Variants in DUSP16 observed in about 807,000 individuals in gnomAD.
The protein encoded by DUSP16 is dual specificity phosphatase 16.
DUSP16 carries 21 observed loss-of-function variants against 58.3 expected under a neutral mutation model. The observed-to-expected ratio is 0.36, with a 90% CI of 0.26 to 0.52. DUSP16 has a LOEUF of 0.52. DUSP16 is among the 20% of genes least tolerant of loss of function. The pLI, the probability that DUSP16 is intolerant of heterozygous loss-of-function variation, is 0.94. For synonymous variants in DUSP16, 320 were observed against 323.8 expected (o/e 0.99, Z 0.12); for missense variants, 726 against 819.0 (o/e 0.89, Z 1.39).
At chr12:12,500,040 G>C (rs1228331433) in intron 4 of DUSP16, among the ~76,000 whole-genome samples, 2 of 152,002 alleles carry the variant, frequency 1.3e-5, no homozygotes, top group East Asian at 3.9e-4. Flanking sequence ...CATAGTTTCA[G>C]CCTTTGTCCT....
intron 1 of DUSP16, among the ~76,000 whole-genome samples, chr12:12,522,363 C>T (rs1200035985): frequency 6.6e-6 from 1 of 152,194 alleles, no homozygotes; most frequent in Non-Finnish European, 1.5e-5. Flanking sequence ...AAGCTGAACC[C>T]AGTGCTTCCC....
intron 1 of DUSP16, among the ~76,000 whole-genome samples, chr12:12,532,164 CAAA>C (rs59100809): frequency 7.1e-6 from 1 of 140,182 alleles, no homozygotes; most frequent in Non-Finnish European, 1.6e-5. Context: ...GACTCCGTCT[CAAA>C]AAAAAAACAA....
intron 1 of DUSP16, among the ~76,000 whole-genome samples, chr12:12,523,350 G>A (rs1359197425): frequency 6.6e-6 from 1 of 152,150 alleles, no homozygotes; most frequent in Non-Finnish European, 1.5e-5. Context: ...GGCAAACAAA[G>A]CTGGCTTGCA....
At chr12:12,486,954 TG>T in intron 5 of DUSP16, 73 bp downstream of exon 5, 2 of 1,544,954 alleles carry the variant, frequency 1.3e-6, no homozygotes, top group Non-Finnish European at 1.8e-6. Context: ...AAAGAAAAAA[TG>T]GGGGGCTGAG....
intron 3 of DUSP16, among the ~76,000 whole-genome samples, chr12:12,513,077 C>T (rs1390550099): frequency 1.3e-5 from 2 of 152,132 alleles, no homozygotes; most frequent in African/African-American, 4.8e-5. Flanking sequence ...TGTGTAGAGT[C>T]TAATACATTT....
chr12:12,523,682 A>G (rs1944265422), intron 1 of DUSP16, among the ~76,000 whole-genome samples: 1 of 152,256 alleles, frequency 6.6e-6, no homozygotes, highest in African/African-American at 2.4e-5. Flanking sequence ...TCAATCCACT[A>G]ATAAACTTCT....
intron 1 of DUSP16, chr12:12,560,946 T>TCACACACCCACACACACACACA (rs56190302): frequency 3.5e-4 from 52 of 148,248 alleles, no homozygotes; most frequent in African/African-American, 1.2e-3. Context: ...ATGGTAAATT[T>TCACACACCCACACACACACACA]CACACACACA....
At chr12:12,541,464 A>C (rs1201486633) in intron 1 of DUSP16, among the ~76,000 whole-genome samples, 3 of 152,238 alleles carry the variant, frequency 2.0e-5, no homozygotes, top group Admixed American at 2.0e-4. Flanking sequence ...AGGAGGGAAA[A>C]TAAGAAACTC....
At chr12:12,537,801 C>T (rs1442634912) in intron 1 of DUSP16, among the ~76,000 whole-genome samples, 1 of 152,108 alleles carries the variant, frequency 6.6e-6, no homozygotes, top group Non-Finnish European at 1.5e-5. Flanking sequence ...AAGTAGAACA[C>T]GATAATAAAT....
intron 1 of DUSP16, among the ~76,000 whole-genome samples, chr12:12,536,807 G>A (rs1944471195): frequency 6.6e-6 from 1 of 152,096 alleles, no homozygotes. Flanking sequence ...GGAGGCCGAG[G>A]TGGGCGGATC....
At chr12:12,486,886 G>T in intron 5 of DUSP16, 142 bp downstream of exon 5, 1 of 921,670 alleles carries the variant, frequency 1.1e-6, no homozygotes, top group Non-Finnish European at 1.6e-6. Flanking sequence ...AGATGAGTAA[G>T]CTGCACCACG....
chr12:12,521,699 CAA>C (rs1169183125), intron 1 of DUSP16, among the ~76,000 whole-genome samples: 1 of 152,066 alleles, frequency 6.6e-6, no homozygotes, highest in Non-Finnish European at 1.5e-5. Context: ...GAAAACAAAA[CAA>C]GACATATCAT....
At chr12:12,549,070 A>G (rs1592211450) in intron 1 of DUSP16, among the ~76,000 whole-genome samples, 1 of 152,330 alleles carries the variant, frequency 6.6e-6, no homozygotes, top group East Asian at 1.9e-4. Context: ...AAATAAAAAT[A>G]CAATTAGTCT....
At position 12,480,978 on chromosome 12, in the gene DUSP16, C is replaced by CA. The variant is rs531463305; in HGVS notation, c.692-633dup. On this transcript the variant is annotated intron_variant, in intron 5 of 6. Coordinates refer to ENST00000298573, the MANE Select transcript of DUSP16 (RefSeq NM_030640.3). Reference sequence around the variant, plus strand: ...AAGTGATCCGTCCACCTCAGCCTCCCAAAGTGCTGGGATTACAGGAGTGAG... The same window carrying CA: ...AAGTGATCCGTCCACCTCAGCCTCCCAAAAGTGCTGGGATTACAGGAGTGAG... Among the ~76,000 whole-genome samples, 433 of 152,286 alleles carry CA rather than the reference C, an allele frequency of 2.8e-3. 1 individual carries two copies. The highest frequency in any genetic ancestry group is 1.0e-2 in the African/African-American group (414 of 41,552).
In DUSP16 at chr12:12,562,443, T is replaced by C. The variant is rs1592221543; in HGVS notation, c.-692A>G. ...GAAAGAGATGAAGAACTTAGGGAGGTAAAGGTGGGGGGCCGCGTTGTGAAA... is the reference window on the plus strand; with the variant it reads ...GAAAGAGATGAAGAACTTAGGGAGGCAAAGGTGGGGGGCCGCGTTGTGAAA... On this transcript the variant is annotated 5_prime_UTR_variant, in exon 1 of 7. Transcript: ENST00000298573. 1 of 135,760 alleles carries C rather than the reference T, an allele frequency of 7.4e-6. No individual in the cohort carries two copies. Among genetic ancestry groups the C allele is most frequent in the South Asian group, 2.4e-4 (1 of 4,218 alleles). The allele number at this position is 135,760 out of a possible 1,614,324, so 8.4% of individuals were successfully genotyped here. A position where few individuals can be genotyped will look rare whatever the true frequency, so the allele number is the denominator to read the frequency against.
In DUSP16 at chr12:12,473,659, A is replaced by G. The variant is rs1943358164; in HGVS notation, c.*3174T>C. Among the ~76,000 whole-genome samples the G allele has an allele frequency of 6.6e-6, 1 of 152,150 alleles. No homozygotes were observed. Among genetic ancestry groups the G allele is most frequent in the African/African-American group, 2.4e-5 (1 of 41,428 alleles). On this transcript the variant is annotated 3_prime_UTR_variant, in exon 7 of 7. Transcript: ENST00000298573. The stretch of plus-strand genomic sequence containing the variant: ...ACCTGTGATTCTTTCTGTAGTCAAT[A>G]TTCCATCTGTTTGCACTGAAGCTTT...
At position 12,476,107 on chromosome 12, in the gene DUSP16, G is replaced by A. The variant is rs754746546; in HGVS notation, c.*726C>T. The A allele has an allele frequency of 6.6e-6, 1 of 152,520 alleles. No individual in the cohort carries two copies. The highest frequency in any genetic ancestry group is 1.5e-5 in the Non-Finnish European group (1 of 68,032). The allele number at this position is 152,520 out of a possible 1,614,324, so 9.4% of individuals were successfully genotyped here. On this transcript the variant is annotated 3_prime_UTR_variant, in exon 7 of 7. Transcript: ENST00000298573. ...AAAATTATCTCCATCTAGGCCCACG[G>A]GAATTTTGTGCATAGACAGTTTGAA...
intron 3 of DUSP16, among the ~76,000 whole-genome samples, chr12:12,503,896 G>C (rs1053852842): frequency 9.9e-5 from 15 of 152,136 alleles, no homozygotes; most frequent in African/African-American, 3.6e-4. Flanking sequence ...AAAATGCTAC[G>C]CTAGGGTCAA....
chr12:12,478,164 A>C lies in DUSP16; in HGVS notation c.816-149T>G, dbSNP rs547290494. ...TTTACAAGTTCGGGGAGATGCTTCA[A>C]GGTGGAGAATACAAAGGCCCTAGGC... On this transcript the variant is annotated intron_variant, in intron 6 of 6. Transcript: ENST00000298573. The C allele has an allele frequency of 1.6e-5, 12 of 754,014 alleles. No individual in the cohort carries two copies. The East Asian group carries it at 3.1e-4, about 19-fold the overall frequency. 46.7% of individuals were successfully genotyped at this position (754,014 alleles called of 1,614,324 possible).
Sources: allele counts gnomAD v4.1 joint callset (sites outside exome capture counted in the v4.1 genomes callset), GRCh38; gene constraint gnomAD v4.1.1; transcripts MANE v1.5; gene names NCBI Gene and HGNC (gene_info 2026-07-23, HGNC 2026-07-21).